SLC26A7: variants seen among roughly 807,000 people sequenced by gnomAD.
SLC26A7 encodes the protein anion exchange transporter.
A neutral mutation model predicts 82.5 loss-of-function variants in SLC26A7; 59 were observed. The observed-to-expected ratio is 0.72, with a 90% confidence interval of 0.58 to 0.89. The LOEUF is 0.89. SLC26A7 is among the 40% of genes least tolerant of loss of function. SLC26A7 has a pLI of 0.00. For missense variants in SLC26A7, 820 were observed against 793.0 expected, an observed-to-expected ratio of 1.03 and a Z score of -0.41; for synonymous variants, 271 against 274.3, an observed-to-expected ratio of 0.99 and a Z score of 0.12.
At chr8:91,343,832 A>G in intron 9 of SLC26A7, 4 of 303,698 alleles carry the variant, frequency 1.3e-5, no homozygotes, top group Non-Finnish European at 1.9e-5. Flanking sequence ...ATTATATGAA[A>G]AAGAAATCAA....
chr8:91,361,150 C>T (rs1340301362), intron 11 of SLC26A7, among the ~76,000 whole-genome samples: 1 of 152,004 alleles, frequency 6.6e-6, no homozygotes, highest in African/African-American at 2.4e-5. Context: ...GGATAAAATT[C>T]CCTCCATTTG....
chr8:91,220,618 C>T (rs769412438), intron 2 of SLC26A7, among the ~76,000 whole-genome samples: 2 of 152,020 alleles, frequency 1.3e-5, no homozygotes, highest in Non-Finnish European at 2.9e-5. Context: ...TTTCTGTTCC[C>T]GTGCTGGTTT....
chr8:91,226,227 C>A (rs1563634566), intron 2 of SLC26A7, among the ~76,000 whole-genome samples: 1 of 152,090 alleles, frequency 6.6e-6, no homozygotes, highest in Non-Finnish European at 1.5e-5. Flanking sequence ...TTCAAGACAT[C>A]TAAAATAGAA....
intron 4 of SLC26A7, among the ~76,000 whole-genome samples, chr8:91,305,298 G>A (rs746112326): frequency 6.6e-6 from 1 of 152,066 alleles, no homozygotes; most frequent in Non-Finnish European, 1.5e-5. Flanking sequence ...TTGTAAAACA[G>A]TTCTTGATAA....
intron 1 of SLC26A7, among the ~76,000 whole-genome samples, chr8:91,218,017 T>C (rs1374711732): frequency 1.3e-5 from 2 of 152,150 alleles, no homozygotes; most frequent in South Asian, 2.1e-4. Context: ...GGTGGATCAA[T>C]AACTGTGCTT....
In SLC26A7 at chr8:91,279,139, A is replaced by ATATATATATATG. The variant is rs1338165026; in HGVS notation, c.194-9986_194-9985insGTATATATATAT. Among the ~76,000 whole-genome samples, 57 of 102,860 alleles carry ATATATATATATG rather than the reference A, an allele frequency of 5.5e-4. 1 individual carries two copies. Among genetic ancestry groups the ATATATATATATG allele is most frequent in the Non-Finnish European group, 8.1e-4 (40 of 49,352 alleles). The allele number at this position is 102,860 out of a possible 152,430, so 67.5% of individuals were successfully genotyped here. A position where few individuals can be genotyped will look rare whatever the true frequency, so the allele number is the denominator to read the frequency against. On this transcript the variant is annotated intron_variant, in intron 2 of 18. Transcript: ENST00000276609. Reference sequence around the variant, plus strand: ...TGTGTGTGTGTGTATATATATATATATATATATATATATATATATATATAT... The same window carrying ATATATATATATG: ...TGTGTGTGTGTGTATATATATATATATATATATATATGTATATATATATATATATATATATAT...
At chr8:91,349,831 G>A (rs558846310) in intron 9 of SLC26A7, among the ~76,000 whole-genome samples, 2 of 152,192 alleles carry the variant, frequency 1.3e-5, no homozygotes, top group South Asian at 4.2e-4. Context: ...TTAGCTGTTG[G>A]TATTTTTTTC....
At chr8:91,334,063 T>C (rs142846296) in intron 5 of SLC26A7, among the ~76,000 whole-genome samples, 2 of 152,306 alleles carry the variant, frequency 1.3e-5, no homozygotes, top group Admixed American at 6.5e-5. Flanking sequence ...AGTGTTCTTA[T>C]GTAGGAAGGT....
At chr8:91,315,245 A>G (rs758134782) in intron 4 of SLC26A7, among the ~76,000 whole-genome samples, 57 of 152,190 alleles carry the variant, frequency 3.7e-4, no homozygotes, top group Admixed American at 9.8e-4. Context: ...GATTACTTGT[A>G]TTCTACATTT....
intron 2 of SLC26A7, among the ~76,000 whole-genome samples, chr8:91,262,691 A>G (rs2130719106): frequency 6.6e-6 from 1 of 152,084 alleles, no homozygotes; most frequent in Non-Finnish European, 1.5e-5. Context: ...ATGGAGGGTC[A>G]AGTGATTACC....
At position 91,307,675 on chromosome 8, in the gene SLC26A7, G is replaced by A. The variant is rs747040356; in HGVS notation, c.478-10541G>A. 9.7e-4 allele frequency among the ~76,000 whole-genome samples: 123 copies of A among 126,866 alleles called. 2 individuals are homozygous for A. Among genetic ancestry groups the A allele is most frequent in the African/African-American group, 3.6e-3 (122 of 33,974 alleles). The allele number at this position is 126,866 out of a possible 152,430, so 83.2% of individuals were successfully genotyped here. On this transcript the variant is annotated intron_variant, in intron 4 of 18. Transcript: ENST00000276609. ...GGGGTGGGGGGAGGGGGGAGGGATA[G>A]CATTGGGAGATATACCTAATGCTAG...
chr8:91,245,377 A>G (rs1297326193), upstream of SLC26A7, among the ~76,000 whole-genome samples: 3 of 152,182 alleles, frequency 2.0e-5, no homozygotes, highest in Admixed American at 6.5e-5. Context: ...TGCCTGTATG[A>G]AACTTTGGGT....
At chr8:91,239,375 C>CAAAAA (rs1219500630) in intron 2 of SLC26A7, among the ~76,000 whole-genome samples, 13 of 84,070 alleles carry the variant, frequency 1.5e-4, no homozygotes, top group Admixed American at 4.9e-4. Flanking sequence ...GACTCCGTCT[C>CAAAAA]AAAAAAAAAA....
In SLC26A7 at chr8:91,258,279, C is replaced by T. The variant is rs546983218; in HGVS notation, c.193+8435C>T. Among the ~76,000 whole-genome samples, 6 of 152,174 alleles carry T rather than the reference C, an allele frequency of 3.9e-5. No individual in the cohort carries two copies. In the South Asian group the frequency reaches 6.2e-4, roughly 16 times the overall value. The stretch of plus-strand genomic sequence containing the variant: ...TTCCTTCCTAGCTCTAGAGATAAAT[C>T]GCCAGCTGCCTATTGGGCACAATCT... On this transcript the variant is annotated intron_variant, in intron 2 of 18. Transcript: ENST00000276609.
intron 11 of SLC26A7, among the ~76,000 whole-genome samples, chr8:91,362,013 A>G (rs1247889994): frequency 6.6e-6 from 1 of 152,158 alleles, no homozygotes; most frequent in East Asian, 1.9e-4. Flanking sequence ...ATTACATTAA[A>G]TGAGAAAGCA....
At chr8:91,244,644 C>T (rs1285728781), upstream of SLC26A7, among the ~76,000 whole-genome samples, 1 of 151,846 alleles carries the variant, frequency 6.6e-6, no homozygotes, top group Admixed American at 6.6e-5. Context: ...GCTGGGACCA[C>T]AGGCATGAGC....
At position 91,211,262 on chromosome 8, in the gene SLC26A7, G is replaced by A. The variant is rs533307436; in HGVS notation, c.-150+1720G>A. On this transcript the variant is annotated intron_variant, in intron 1 of 5. Transcript: ENST00000522862. The stretch of plus-strand genomic sequence containing the variant: ...ATTCTAGCGTTATTAAAATCATTAA[G>A]CTAATAATATCTAGTAAGTATATGA... 4.2e-3 allele frequency among the ~76,000 whole-genome samples: 634 copies of A among 151,920 alleles called. 2 individuals carry two copies. The highest frequency in any genetic ancestry group is 0.014 in the African/African-American group (596 of 41,464).
chr8:91,368,413 G>GTTTTTTTTTT (rs565439844), intron 14 of SLC26A7, among the ~76,000 whole-genome samples: 2 of 144,990 alleles, frequency 1.4e-5, no homozygotes, highest in African/African-American at 2.5e-5. Context: ...TTCAGATGAG[G>GTTTTTTTTTT]TTTTTTTTTT....
intron 2 of SLC26A7, among the ~76,000 whole-genome samples, chr8:91,270,254 T>C (rs1353267910): frequency 2.6e-5 from 4 of 152,200 alleles, no homozygotes; most frequent in Non-Finnish European, 4.4e-5. Context: ...CTACTTAATA[T>C]TGGAACTTAA....
Sources: allele counts gnomAD v4.1 joint callset (sites outside exome capture counted in the v4.1 genomes callset), GRCh38; gene constraint gnomAD v4.1.1; transcripts MANE v1.5; gene names NCBI Gene and HGNC (gene_info 2026-07-23, HGNC 2026-07-21).